PDE10A: variants seen among roughly 807,000 people sequenced by gnomAD.
PDE10A encodes phosphodiesterase 10A.
PDE10A carries 39 observed loss-of-function variants against 97.7 expected under a neutral mutation model. That is an observed-to-expected ratio of 0.40 (90% CI 0.31 to 0.52). The LOEUF (loss-of-function observed/expected upper bound fraction) is 0.52, where lower values mean the gene tolerates loss of function less well. Among genes scored for constraint, PDE10A ranks in the 20% least tolerant of loss-of-function variants. The pLI is 0.56. For missense variants in PDE10A, 731 were observed against 1,047.8 expected, an observed-to-expected ratio of 0.70 and a Z score of 4.17; for synonymous variants, 371 against 376.8, an observed-to-expected ratio of 0.98 and a Z score of 0.18.
chr6:165,890,728 G>C (rs751026621), intron 1 of PDE10A, among the ~76,000 whole-genome samples: 44 of 152,154 alleles, frequency 2.9e-4, no homozygotes, highest in Non-Finnish European at 7.3e-5. Context: ...AGGGTTAAAG[G>C]AACAGATACT....
At chr6:165,795,644 C>T (rs1217792561) in intron 1 of PDE10A, among the ~76,000 whole-genome samples, 1 of 151,982 alleles carries the variant, frequency 6.6e-6, no homozygotes, top group Non-Finnish European at 1.5e-5. Context: ...TCCAGCTACT[C>T]GGGAGGCTGA....
At chr6:165,929,469 C>T (rs1214624842) in intron 1 of PDE10A, among the ~76,000 whole-genome samples, 1 of 152,266 alleles carries the variant, frequency 6.6e-6, no homozygotes, top group Admixed American at 6.5e-5. Context: ...CTGTGAAGGC[C>T]GTCAGAAACA....
At chr6:165,618,924 AGC>A (rs1787850637) in intron 1 of PDE10A, among the ~76,000 whole-genome samples, 1 of 149,744 alleles carries the variant, frequency 6.7e-6, no homozygotes, top group East Asian at 2.0e-4. Context: ...ATATGAGAGA[AGC>A]GTGTAGTCTA....
chr6:165,608,760 C>T (rs1273929226), intron 1 of PDE10A, among the ~76,000 whole-genome samples: 3 of 152,190 alleles, frequency 2.0e-5, no homozygotes, highest in Non-Finnish European at 2.9e-5. Context: ...TCTCCATATC[C>T]TCTCCAGCAC....
intron 1 of PDE10A, among the ~76,000 whole-genome samples, chr6:165,578,457 T>C (rs1308219099): frequency 6.6e-6 from 1 of 152,174 alleles, no homozygotes; most frequent in Non-Finnish European, 1.5e-5. Context: ...AACAACAGTC[T>C]GTTTCAGATT....
At chr6:165,852,429 T>C (rs1407802439) in intron 1 of PDE10A, among the ~76,000 whole-genome samples, 2 of 152,244 alleles carry the variant, frequency 1.3e-5, no homozygotes, top group Non-Finnish European at 2.9e-5. Flanking sequence ...GATGCCTTCA[T>C]TGAAGCCCAA....
intron 1 of PDE10A, among the ~76,000 whole-genome samples, chr6:165,730,471 G>T (rs1048285972): frequency 2.0e-5 from 3 of 152,190 alleles, no homozygotes; most frequent in Non-Finnish European, 4.4e-5. Flanking sequence ...AGATGACAAG[G>T]CCGGGAGAGG....
chr6:165,478,260 T>C (rs1300207273), intron 3 of PDE10A, among the ~76,000 whole-genome samples: 1 of 151,912 alleles, frequency 6.6e-6, no homozygotes. Context: ...AAGTTGGGAG[T>C]CATTACTCAT....
At chr6:165,471,203 A>G (rs1778980844) in intron 3 of PDE10A, among the ~76,000 whole-genome samples, 1 of 152,002 alleles carries the variant, frequency 6.6e-6, no homozygotes, top group African/African-American at 2.4e-5. Context: ...ATAATTTTTT[A>G]TTTAAAAGAA....
intron 1 of PDE10A, among the ~76,000 whole-genome samples, chr6:165,548,285 T>TTC (rs1181861949): frequency 1.4e-5 from 2 of 146,988 alleles, no homozygotes; most frequent in Non-Finnish European, 3.0e-5. Context: ...TCTTTTTTTT[T>TTC]TTTTTTTTTT....
chr6:165,470,886 T>G (rs1778958300), intron 3 of PDE10A, among the ~76,000 whole-genome samples: 1 of 152,146 alleles, frequency 6.6e-6, no homozygotes, highest in Non-Finnish European at 1.5e-5. Flanking sequence ...ATGCTGTCAT[T>G]TATCCCATAT....
At chr6:165,709,375 C>G (rs62424923) in intron 1 of PDE10A, among the ~76,000 whole-genome samples, 64,347 of 132,376 alleles carry the variant, frequency 0.49, 16,612 homozygotes, top group Non-Finnish European at 0.55. Context: ...GCGCTCTCCC[C>G]GTACCCTCCA....
At chr6:165,333,697 C>T (rs983345800) in intron 21 of PDE10A, among the ~76,000 whole-genome samples, 1 of 152,186 alleles carries the variant, frequency 6.6e-6, no homozygotes, top group Non-Finnish European at 1.5e-5. Flanking sequence ...CTGGTAAGTC[C>T]TCACCCGAGG....
chr6:165,894,142 G>T (rs955915530), intron 1 of PDE10A: 3 of 361,356 alleles, frequency 8.3e-6, no homozygotes, highest in East Asian at 1.5e-4. Context: ...GGCTTGACTG[G>T]GTGTTTGTTC....
At chr6:165,969,619 C>A (rs1784612455) in intron 1 of PDE10A, among the ~76,000 whole-genome samples, 1 of 151,812 alleles carries the variant, frequency 6.6e-6, no homozygotes, top group African/African-American at 2.4e-5. Context: ...TTTGCACCAA[C>A]CTAATAGATT....
At chr6:165,679,473 C>T (rs1435908547) in intron 1 of PDE10A, among the ~76,000 whole-genome samples, 1 of 152,204 alleles carries the variant, frequency 6.6e-6, no homozygotes, top group African/African-American at 2.4e-5. Flanking sequence ...TCACCGGCCG[C>T]TACCTCCCAG....
At chr6:165,733,416 C>T (rs1185256400) in intron 1 of PDE10A, among the ~76,000 whole-genome samples, 1 of 152,178 alleles carries the variant, frequency 6.6e-6, no homozygotes, top group African/African-American at 2.4e-5. Flanking sequence ...GTTTTCAGTG[C>T]TGCCACGCTT....
intron 1 of PDE10A, chr6:165,949,317 C>T (rs1456342576): frequency 6.6e-6 from 1 of 152,228 alleles, no homozygotes; most frequent in African/African-American, 2.4e-5. Context: ...GGTTCTTCGA[C>T]TCTCTTGAGT....
intron 1 of PDE10A, among the ~76,000 whole-genome samples, chr6:165,759,160 C>T (rs975772052): frequency 6.6e-6 from 1 of 152,094 alleles, no homozygotes; most frequent in African/African-American, 2.4e-5. Flanking sequence ...ATGAGGGACT[C>T]TTTTCTGGGA....
Sources: gnomAD v4.1 joint callset for allele counts (sites outside exome capture counted in the v4.1 genomes callset) on GRCh38, gnomAD v4.1.1 for gene constraint, MANE v1.5 for transcripts, NCBI Gene and HGNC (gene_info 2026-07-23, HGNC 2026-07-21) for gene names.